KLRG1: variants seen among roughly 807,000 people sequenced by gnomAD.
KLRG1 encodes killer cell lectin-like receptor subfamily G member 1.
A neutral mutation model predicts 21.8 loss-of-function variants in KLRG1; 16 were observed. The ratio of observed to expected loss-of-function variants is 0.73; its 90% CI spans 0.50 to 1.11. The LOEUF is 1.11. Among genes scored for constraint, KLRG1 ranks in the 50% most tolerant of loss-of-function variants. KLRG1 has a pLI of 0.00. For synonymous variants in KLRG1, 69 were observed against 75.9 expected, an observed-to-expected ratio of 0.91 and a Z score of 0.47; for missense variants, 173 against 218.3, an observed-to-expected ratio of 0.79 and a Z score of 1.31.
the KLRG1 span, among the ~76,000 whole-genome samples, chr12:9,146,847 C>T: frequency 6.6e-6 from 1 of 152,180 alleles, no homozygotes; most frequent in Non-Finnish European, 1.5e-5. Context: ...TCAGAACTAC[C>T]TGACTGGCAA....
the KLRG1 span, chr12:9,197,012 C>G: frequency 3.1e-6 from 5 of 1,596,356 alleles, no homozygotes; most frequent in Non-Finnish European, 4.3e-6. Context: ...GCCTACTAAC[C>G]TGTTGACTGA....
chr12:9,173,548 G>GA, the KLRG1 span, among the ~76,000 whole-genome samples: 4 of 151,232 alleles, frequency 2.6e-5, no homozygotes, highest in South Asian at 2.1e-4. Flanking sequence ...TGGTTTTTTT[G>GA]AAAAAAAGTT....
the KLRG1 span, chr12:9,112,590 C>G: frequency 6.3e-7 from 1 of 1,599,564 alleles, no homozygotes; most frequent in Admixed American, 1.7e-5. Context: ...GGTCTCCTCC[C>G]CTATTTGCTG....
chr12:9,192,499 G>A, the KLRG1 span: 3 of 1,601,422 alleles, frequency 1.9e-6, no homozygotes, highest in African/African-American at 4.0e-5. Context: ...GTATTCCATG[G>A]CCTCATTCTT....
chr12:9,095,537 A>C, the KLRG1 span: 1 of 1,609,410 alleles, frequency 6.2e-7, no homozygotes, highest in Non-Finnish European at 8.5e-7. Flanking sequence ...TAAGGAGTTT[A>C]CCTCTAGGAA....
intron 1 of KLRG1, among the ~76,000 whole-genome samples, chr12:8,983,774 TC>T (rs1946799240): frequency 6.6e-6 from 1 of 152,174 alleles, no homozygotes; most frequent in South Asian, 2.1e-4. Context: ...TAGCTATCAT[TC>T]ATGTGTTGTT....
the KLRG1 span, chr12:9,161,228 C>T: frequency 4.6e-6 from 4 of 871,118 alleles, no homozygotes; most frequent in East Asian, 1.1e-4. Flanking sequence ...ATGGTACTGG[C>T]CCTGCTTTGT....
the KLRG1 span, chr12:9,074,560 C>G: frequency 6.2e-7 from 1 of 1,607,258 alleles, no homozygotes; most frequent in Non-Finnish European, 8.5e-7. Flanking sequence ...AATCACCAAC[C>G]TGGGTGGAGG....
the KLRG1 span, among the ~76,000 whole-genome samples, chr12:9,092,890 T>C: frequency 3.9e-5 from 6 of 152,314 alleles, no homozygotes; most frequent in African/African-American, 9.6e-5. Flanking sequence ...GATAAATAAA[T>C]TGTGGCTATG....
At chr12:9,134,317 T>C in the KLRG1 span, among the ~76,000 whole-genome samples, 1 of 152,096 alleles carries the variant, frequency 6.6e-6, no homozygotes, top group Non-Finnish European at 1.5e-5. Flanking sequence ...TAAGAGAAAA[T>C]CAAACTAATG....
the KLRG1 span, among the ~76,000 whole-genome samples, chr12:9,021,403 CTTT>C: frequency 2.9e-5 from 4 of 137,772 alleles, no homozygotes; most frequent in Non-Finnish European, 3.1e-5. Context: ...CTTTTTTACT[CTTT>C]TTTTTTTTTT....
chr12:8,985,006 A>C (rs941771790), upstream of KLRG1, among the ~76,000 whole-genome samples: 2 of 152,202 alleles, frequency 1.3e-5, no homozygotes, highest in African/African-American at 4.8e-5. Flanking sequence ...TTAAAAAATC[A>C]TGGCACATTT....
chr12:9,139,305 A>G, the KLRG1 span, among the ~76,000 whole-genome samples: 2 of 152,080 alleles, frequency 1.3e-5, no homozygotes, highest in African/African-American at 2.4e-5. Flanking sequence ...TGTGATTTCA[A>G]TCTTTCTAAA....
the KLRG1 span, chr12:9,091,062 T>G: frequency 9.0e-7 from 1 of 1,112,214 alleles, no homozygotes; most frequent in Non-Finnish European, 1.3e-6. Flanking sequence ...TATTTGGAGA[T>G]CTCAAAACCT....
the KLRG1 span, chr12:9,192,141 A>G: frequency 7.0e-7 from 1 of 1,437,248 alleles, no homozygotes; most frequent in Non-Finnish European, 9.8e-7. Context: ...CACCGAGGGA[A>G]GGGTAAGGAT....
At chr12:9,095,016 C>A in the KLRG1 span, 1 of 1,593,422 alleles carries the variant, frequency 6.3e-7, no homozygotes, top group Admixed American at 1.7e-5. Context: ...GCATTTCATA[C>A]TGTTGAAGCT....
At chr12:8,981,206 G>A (rs1946749882) in intron 1 of KLRG1, among the ~76,000 whole-genome samples, 1 of 152,108 alleles carries the variant, frequency 6.6e-6, no homozygotes, top group Non-Finnish European at 1.5e-5. Flanking sequence ...TCTTAATCTT[G>A]TCAAAGAACC....
chr12:9,116,742 T>C, the KLRG1 span, among the ~76,000 whole-genome samples: 3 of 152,296 alleles, frequency 2.0e-5, no homozygotes, highest in South Asian at 6.2e-4. Context: ...TTGATCCTAC[T>C]AGGGCTAGAC....
chr12:9,161,322 G>A, the KLRG1 span, among the ~76,000 whole-genome samples: 1 of 152,154 alleles, frequency 6.6e-6, no homozygotes, highest in African/African-American at 2.4e-5. Context: ...CAATTTCAAC[G>A]AATGTGAGCA....
Sources: gnomAD v4.1 joint callset for allele counts (sites outside exome capture counted in the v4.1 genomes callset) on GRCh38, gnomAD v4.1.1 for gene constraint, MANE v1.5 for transcripts, NCBI Gene and HGNC (gene_info 2026-07-23, HGNC 2026-07-21) for gene names.